The following TIAM2 variants were observed in gnomAD, a reference collection of about 807,000 sequenced individuals.
The protein encoded by TIAM2 is TIAM Rac1 associated GEF 2.
A neutral mutation model predicts 152.9 loss-of-function variants in TIAM2; 80 were observed. The observed-to-expected ratio is 0.52, with a 90% confidence interval of 0.44 to 0.63. TIAM2 has a LOEUF of 0.63. Among genes scored for constraint, TIAM2 ranks in the 30% least tolerant of loss-of-function variants. The pLI is 0.00. For synonymous variants in TIAM2, 804 were observed against 838.0 expected, an observed-to-expected ratio of 0.96 and a Z score of 0.70; for missense variants, 1,965 against 2,120.1, an observed-to-expected ratio of 0.93 and a Z score of 1.44.
chr6:155,118,861 G>T (rs11966721), intron 2 of TIAM2, among the ~76,000 whole-genome samples: 3,005 of 59,168 alleles, frequency 0.051, 107 homozygotes, highest in African/African-American at 0.25. Context: ...GAATGTGTGT[G>T]CTTTTTTTTT....
Position 155,033,105 on chromosome 6 carries a change from G to A in TIAM2, c.-209+37613G>A, listed in dbSNP as rs537231026. On this transcript the variant is annotated intron_variant, in intron 1 of 26. Coordinates refer to ENST00000682666, the MANE Select transcript of TIAM2 (RefSeq NM_012454.4). ...ATTTTCCTTGTTCCCGGGTCTTCTC[G>A]TTGCCTTCCTGAACATTTGGAGAAG... is the stretch of plus-strand genomic sequence containing the variant. 4.6e-5 allele frequency among the ~76,000 whole-genome samples: 7 copies of A among 152,212 alleles called. No individual in the cohort carries two copies. In the South Asian group the frequency reaches 1.5e-3, roughly 32 times the overall value.
chr6:155,168,388 C>T (rs980657808), intron 9 of TIAM2, among the ~76,000 whole-genome samples: 3 of 152,024 alleles, frequency 2.0e-5, no homozygotes, highest in Admixed American at 6.6e-5. Flanking sequence ...GATACAGTCT[C>T]GTGCTGTTGC....
chr6:155,217,140 T>C (rs1373801363), intron 15 of TIAM2: 2 of 1,288,280 alleles, frequency 1.6e-6, no homozygotes, highest in Admixed American at 4.6e-5. Context: ...TTGATCCAAA[T>C]GTAGGCATGC....
intron 14 of TIAM2, among the ~76,000 whole-genome samples, chr6:155,199,367 C>T (rs748936642): frequency 3.3e-5 from 5 of 152,140 alleles, no homozygotes; most frequent in Non-Finnish European, 5.9e-5. Flanking sequence ...TGTGAGCCAC[C>T]GTGCCCAGCC....
intron 14 of TIAM2, among the ~76,000 whole-genome samples, chr6:155,201,758 A>G (rs1181468491): frequency 1.3e-5 from 2 of 152,186 alleles, no homozygotes; most frequent in African/African-American, 4.8e-5. Context: ...CACTCTAAGG[A>G]CATTTATCAC....
At chr6:155,226,070 T>C (rs140656079) in intron 15 of TIAM2, among the ~76,000 whole-genome samples, 18 of 152,350 alleles carry the variant, frequency 1.2e-4, no homozygotes, top group Non-Finnish European at 2.1e-4. Context: ...AAGCATTGTT[T>C]TAAGCCAATA....
At chr6:155,215,907 A>G (rs1781846261) in intron 15 of TIAM2, among the ~76,000 whole-genome samples, 1 of 151,994 alleles carries the variant, frequency 6.6e-6, no homozygotes, top group African/African-American at 2.4e-5. Context: ...TCCTGGGCTC[A>G]AATGATCCTC....
intron 1 of TIAM2, among the ~76,000 whole-genome samples, chr6:155,021,723 A>G (rs1776497925): frequency 6.6e-6 from 1 of 152,184 alleles, no homozygotes; most frequent in African/African-American, 2.4e-5. Context: ...ATTTAAACAG[A>G]TAAGGAAACT....
At chr6:155,127,689 G>A (rs1015533151) in intron 3 of TIAM2, 89 bp downstream of exon 3, 3 of 430,386 alleles carry the variant, frequency 7.0e-6, no homozygotes, top group African/African-American at 4.1e-5. Flanking sequence ...TTGGGCTAGC[G>A]ATTTTGGTTT....
intron 1 of TIAM2, among the ~76,000 whole-genome samples, chr6:155,067,057 A>G (rs1422215963): frequency 4.6e-5 from 7 of 152,016 alleles, no homozygotes; most frequent in Admixed American, 3.9e-4. Context: ...AAATATTTCT[A>G]TTTGCAGTCT....
chr6:155,073,671 A>C (rs1003982795), intron 1 of TIAM2, among the ~76,000 whole-genome samples: 2 of 151,526 alleles, frequency 1.3e-5, no homozygotes, highest in Non-Finnish European at 2.9e-5. Flanking sequence ...GCTGAGAAGA[A>C]AAAAAAAAGA....
chr6:155,002,088 T>C (rs999387578), intron 1 of TIAM2, among the ~76,000 whole-genome samples: 2 of 152,190 alleles, frequency 1.3e-5, no homozygotes, highest in Non-Finnish European at 2.9e-5. Flanking sequence ...CTTAGAATAT[T>C]GTTTTGAGGA....
intron 15 of TIAM2, among the ~76,000 whole-genome samples, chr6:155,229,948 GA>G (rs1454768734): frequency 6.6e-6 from 1 of 151,964 alleles, no homozygotes; most frequent in Non-Finnish European, 1.5e-5. Context: ...CAGCATGGGA[GA>G]AACCCACCCC....
intron 7 of TIAM2, among the ~76,000 whole-genome samples, chr6:155,162,987 C>A (rs1312080447): frequency 6.6e-6 from 1 of 152,130 alleles, no homozygotes; most frequent in South Asian, 2.1e-4. Flanking sequence ...GAAATAGCTA[C>A]AGAGAACTTG....
chr6:155,028,437 CTG>C (rs200455708), intron 1 of TIAM2, among the ~76,000 whole-genome samples: 9,556 of 115,266 alleles, frequency 0.083, 1,326 homozygotes, highest in East Asian at 0.22. Context: ...AATATATATA[CTG>C]TGTTACATAT....
chr6:155,002,673 T>TTTTTTTTATTTATTTATTTATTTA (rs1562286542), intron 1 of TIAM2, among the ~76,000 whole-genome samples: 5 of 150,260 alleles, frequency 3.3e-5, no homozygotes, highest in Middle Eastern at 3.4e-3. Context: ...GCTTTGCTTG[T>TTTTTTTTATTTATTTATTTATTTA]TTTATTTATT....
chr6:155,158,993 G>T (rs899278130), intron 7 of TIAM2, among the ~76,000 whole-genome samples: 1 of 151,918 alleles, frequency 6.6e-6, no homozygotes, highest in Non-Finnish European at 1.5e-5. Flanking sequence ...TACTATTTTG[G>T]TGATTATTAT....
intron 14 of TIAM2, among the ~76,000 whole-genome samples, chr6:155,190,155 A>G (rs79914029): frequency 0.017 from 2,613 of 152,316 alleles, 69 homozygotes; most frequent in African/African-American, 0.06. Flanking sequence ...CTTCTATAAA[A>G]TATAGAGAAC....
intron 1 of TIAM2, among the ~76,000 whole-genome samples, chr6:154,999,244 G>A (rs1324948169): frequency 3.3e-5 from 5 of 151,378 alleles, no homozygotes; most frequent in African/African-American, 1.2e-4. Flanking sequence ...ACAGAGTCTC[G>A]CTCTGTCACC....
Sources: gnomAD v4.1 joint callset for allele counts (sites outside exome capture counted in the v4.1 genomes callset) on GRCh38, gnomAD v4.1.1 for gene constraint, MANE v1.5 for transcripts, NCBI Gene and HGNC (gene_info 2026-07-23, HGNC 2026-07-21) for gene names.